The following CPSF4L variants were observed in gnomAD, a reference collection of about 807,000 sequenced individuals.
CPSF4L encodes cleavage and polyadenylation specific factor 4 like, also known as putative cleavage and polyadenylation specificity factor subunit 4-like protein.
A neutral mutation model predicts 24.0 loss-of-function variants in CPSF4L; 18 were observed. That is an observed-to-expected ratio of 0.75 (90% CI 0.52 to 1.11). CPSF4L has a LOEUF of 1.11. Ranked by LOEUF, CPSF4L falls within the 50% of genes least tolerant of loss-of-function variation. The probability of loss-of-function intolerance (pLI) is 0.00; values close to 1 mark genes in which losing one functional copy is unlikely to be tolerated. For missense variants in CPSF4L, 211 were observed against 221.8 expected, an observed-to-expected ratio of 0.95 and a Z score of 0.31; for synonymous variants, 72 against 77.2, an observed-to-expected ratio of 0.93 and a Z score of 0.35.
the CPSF4L span, chr17:73,242,969 C>T: frequency 2.0e-5 from 32 of 1,613,624 alleles, no homozygotes; most frequent in Middle Eastern, 1.6e-4. Context: ...CAGGATACTT[C>T]GTCCTGTGTT....
chr17:73,260,544 A>C (rs1311945706), intron 2 of CPSF4L, among the ~76,000 whole-genome samples: 2 of 152,120 alleles, frequency 1.3e-5, no homozygotes, highest in African/African-American at 4.8e-5. Context: ...AGGCAGGTGG[A>C]TCACCTGAGG....
At chr17:73,252,380 TTCTTC>T (rs2062009247) in intron 5 of CPSF4L, among the ~76,000 whole-genome samples, 2 of 152,204 alleles carry the variant, frequency 1.3e-5, no homozygotes, top group Admixed American at 1.3e-4. Context: ...CATTAAGTGT[TTCTTC>T]TCTTATTACT....
At chr17:73,257,341 C>T (rs1375629232) in intron 3 of CPSF4L, among the ~76,000 whole-genome samples, 2 of 152,020 alleles carry the variant, frequency 1.3e-5, no homozygotes, top group Admixed American at 1.3e-4. Flanking sequence ...TCGAGAAGTT[C>T]TAGCCGGGGC....
At chr17:73,256,842 C>A (rs561432676) in intron 3 of CPSF4L, among the ~76,000 whole-genome samples, 24 of 152,250 alleles carry the variant, frequency 1.6e-4, no homozygotes, top group Middle Eastern at 3.4e-3. Context: ...GCCTGGCCAA[C>A]GTGGCAAAAC....
At chr17:73,263,092 A>AG (rs1457998889), upstream of CPSF4L, among the ~76,000 whole-genome samples, 1 of 152,142 alleles carries the variant, frequency 6.6e-6, no homozygotes, top group South Asian at 2.1e-4. Context: ...GGTGGGGCCA[A>AG]GGGGGTCCCT....
intron 2 of CPSF4L, among the ~76,000 whole-genome samples, chr17:73,260,429 C>T (rs1201215807): frequency 6.6e-6 from 1 of 152,088 alleles, no homozygotes; most frequent in African/African-American, 2.4e-5. Flanking sequence ...GCAGGCTGCT[C>T]GGTGGATCCA....
intron 3 of CPSF4L, among the ~76,000 whole-genome samples, chr17:73,256,755 C>T (rs9901945): frequency 0.89 from 135,613 of 152,228 alleles, 61,376 homozygotes; most frequent in Non-Finnish European, 0.98. Flanking sequence ...GGCCGGGCAC[C>T]GCAGCTCACA....
downstream of CPSF4L, chr17:73,247,143 T>A: frequency 9.7e-7 from 1 of 1,032,216 alleles, no homozygotes; most frequent in Non-Finnish European, 1.5e-6. Flanking sequence ...TTAGGTGGCA[T>A]CCATGGCTGT....
intron 3 of CPSF4L, among the ~76,000 whole-genome samples, chr17:73,256,911 C>T (rs1049804745): frequency 3.3e-5 from 5 of 152,166 alleles, no homozygotes; most frequent in African/African-American, 1.2e-4. Flanking sequence ...CCTGTAATCC[C>T]AGCTACTCAG....
intron 5 of CPSF4L, chr17:73,250,253 C>T: frequency 6.4e-7 from 1 of 1,550,388 alleles, no homozygotes. Context: ...TTAATAACTC[C>T]TATCAGTTGA....
At position 73,260,976 on chromosome 17, in the gene CPSF4L, G is replaced by A. The variant is rs557201115; in HGVS notation, c.111C>T (p.Ala37=). ...TAGTGAAGAAGTTGCACACAGCTGA[G>A]GCCGACTCTGGAAGGAGAAGAGGGA... is the stretch of plus-strand genomic sequence containing the variant. ...LLPFQGMDKS[A]SAVCNFFTKG... Residue 37 remains alanine (A), a synonymous_variant, in exon 2 of 6, where the codon GCC becomes GCT. Coordinates refer to ENST00000344935, the MANE Select transcript of CPSF4L (RefSeq NM_001129885.1). 2.6e-6 allele frequency: 4 copies of A among 1,550,198 alleles called. No homozygotes were observed. The highest frequency in any genetic ancestry group is 1.4e-5 in the African/African-American group (1 of 73,076).
At chr17:73,257,335 G>A (rs1057027499) in intron 3 of CPSF4L, among the ~76,000 whole-genome samples, 4 of 152,074 alleles carry the variant, frequency 2.6e-5, no homozygotes, top group African/African-American at 9.7e-5. Context: ...TGATATTCGA[G>A]AAGTTCTAGC....
intron 1 of CPSF4L, among the ~76,000 whole-genome samples, chr17:73,261,331 G>A (rs1050184374): frequency 2.0e-5 from 3 of 152,250 alleles, no homozygotes; most frequent in Non-Finnish European, 4.4e-5. Context: ...AGGGGCGGTC[G>A]CATCAGGGAG....
chr17:73,245,435 A>G, downstream of CPSF4L: 1 of 1,181,322 alleles, frequency 8.5e-7, no homozygotes, highest in Non-Finnish European at 1.0e-6. Flanking sequence ...ACTGAGAATT[A>G]GAGAAAAACT....
At chr17:73,248,405 C>T (rs2061981393), downstream of CPSF4L, 2 of 1,211,436 alleles carry the variant, frequency 1.7e-6, no homozygotes, top group Admixed American at 4.1e-5. Context: ...AGTTTTGTCT[C>T]TTAAAATCAT....
Position 73,257,693 on chromosome 17 carries a change from A to T in CPSF4L, c.295T>A (p.Tyr99Asn). 1.3e-6 allele frequency: 2 copies of T among 1,551,680 alleles called. No individual in the cohort carries two copies. Among genetic ancestry groups the T allele is most frequent in the Non-Finnish European group, 8.7e-7 (1 of 1,146,988 alleles). Residue 99 changes from tyrosine (Y) to asparagine (N), a missense_variant, in exon 3 of 6, where the codon TAC (tyrosine) becomes AAC (asparagine). Tyr to Asn is a moderately radical substitution (Grantham distance 143). Transcript: ENST00000344935. ...GAAGAGGCCTTACCAAACTTGGAGT[A>T]GAAGTAGCACTCAGGCATCCTGGTG... ...DLTRMPECYFYSKFGDCSNKE... is the reference protein window; with the variant it reads ...DLTRMPECYFNSKFGDCSNKE...
chr17:73,261,492 T>C (rs1179870697), intron 1 of CPSF4L, among the ~76,000 whole-genome samples: 2 of 151,940 alleles, frequency 1.3e-5, no homozygotes, highest in Non-Finnish European at 2.9e-5. Flanking sequence ...AAACCCGGTC[T>C]CTACTAAAAA....
chr17:73,242,908 GCAA>G, the CPSF4L span: 1 of 1,613,578 alleles, frequency 6.2e-7, no homozygotes, highest in Non-Finnish European at 8.5e-7. Context: ...TGGATCAGGT[GCAA>G]CACCACCATA....
At chr17:73,262,520 C>CCCAGCCAGGATTCCACAGGG (rs1376620894), upstream of CPSF4L, among the ~76,000 whole-genome samples, 1 of 152,246 alleles carries the variant, frequency 6.6e-6, no homozygotes, top group African/African-American at 2.4e-5. Flanking sequence ...AGGGCGGCCT[C>CCCAGCCAGGATTCCACAGGG]CCAGCCAGGA....
Sources: gnomAD v4.1 joint callset for allele counts (sites outside exome capture counted in the v4.1 genomes callset) on GRCh38, gnomAD v4.1.1 for gene constraint, MANE v1.5 for transcripts, NCBI Gene and HGNC (gene_info 2026-07-23, HGNC 2026-07-21) for gene names.